GRM7: variants seen among roughly 807,000 people sequenced by gnomAD.
GRM7 encodes glutamate metabotropic receptor 7.
Under a neutral mutation model 84.5 loss-of-function variants are expected in GRM7, and 35 were observed. That is an observed-to-expected ratio of 0.41 (90% CI 0.32 to 0.55). GRM7 has a LOEUF of 0.55. Ranked by LOEUF, GRM7 falls within the 20% of genes least tolerant of loss-of-function variation. The pLI is 0.19. For missense variants in GRM7, 1,003 were observed against 1,194.6 expected (o/e 0.84, Z 2.36); for synonymous variants, 487 against 455.1 (o/e 1.07, Z -0.89).
chr3:6,986,362 G>A (rs1007526221), intron 1 of GRM7, among the ~76,000 whole-genome samples: 1 of 152,034 alleles, frequency 6.6e-6, no homozygotes, highest in African/African-American at 2.4e-5. Context: ...TATGTGCAGT[G>A]TTTTTGGTAT....
At chr3:7,036,435 A>G (rs373557775) in intron 1 of GRM7, among the ~76,000 whole-genome samples, 26 of 152,128 alleles carry the variant, frequency 1.7e-4, no homozygotes, top group African/African-American at 5.1e-4. Context: ...AAATGGAGAA[A>G]GATATGGAGG....
chr3:7,677,830 A>C (rs989023300), intron 8 of GRM7, among the ~76,000 whole-genome samples: 1 of 152,218 alleles, frequency 6.6e-6, no homozygotes, highest in Admixed American at 6.5e-5. Context: ...CACTTTTCAC[A>C]ATAGCAAAGA....
chr3:7,646,087 A>C (rs1220424654), intron 8 of GRM7, among the ~76,000 whole-genome samples: 1 of 152,180 alleles, frequency 6.6e-6, no homozygotes, highest in African/African-American at 2.4e-5. Flanking sequence ...TGCAAAAGAG[A>C]AGTCTTGTGT....
chr3:7,347,546 G>GA (rs1553564430), intron 4 of GRM7, among the ~76,000 whole-genome samples: 1 of 152,134 alleles, frequency 6.6e-6, no homozygotes, highest in Non-Finnish European at 1.5e-5. Context: ...CGGGGTTTGA[G>GA]TTTTTTCAAA....
chr3:7,440,623 C>G (rs760956922), intron 5 of GRM7, among the ~76,000 whole-genome samples: 1 of 152,038 alleles, frequency 6.6e-6, no homozygotes. Context: ...ACGTAGTATC[C>G]GACAGGTAGT....
chr3:7,456,811 C>T (rs1698035855), intron 6 of GRM7, among the ~76,000 whole-genome samples: 1 of 151,982 alleles, frequency 6.6e-6, no homozygotes, highest in African/African-American at 2.4e-5. Flanking sequence ...CAAGACACTG[C>T]AGTATTCATG....
intron 7 of GRM7, among the ~76,000 whole-genome samples, chr3:7,483,938 G>A (rs961238632): frequency 3.3e-5 from 5 of 152,046 alleles, no homozygotes; most frequent in Non-Finnish European, 5.9e-5. Context: ...AAAAAAGTGT[G>A]CTTAATGTGT....
At chr3:7,072,930 C>A (rs1697939053) in intron 1 of GRM7, among the ~76,000 whole-genome samples, 1 of 152,110 alleles carries the variant, frequency 6.6e-6, no homozygotes, top group Non-Finnish European at 1.5e-5. Flanking sequence ...TGACATTGAG[C>A]ACTCCTCAAG....
chr3:7,694,577 A>G (rs959490675), intron 9 of GRM7: 1 of 159,706 alleles, frequency 6.3e-6, no homozygotes, highest in African/African-American at 2.4e-5. Flanking sequence ...TTTTGGAGCA[A>G]TGATGCCTTA....
intron 8 of GRM7, among the ~76,000 whole-genome samples, chr3:7,639,210 A>T (rs1425374347): frequency 6.6e-6 from 1 of 151,886 alleles, no homozygotes; most frequent in Non-Finnish European, 1.5e-5. Context: ...TTCTTTAGAA[A>T]CTCCAGCACC....
At chr3:7,699,427 C>A (rs933910359) in intron 9 of GRM7, among the ~76,000 whole-genome samples, 2 of 152,136 alleles carry the variant, frequency 1.3e-5, no homozygotes, top group African/African-American at 2.4e-5. Context: ...TAGAGTAGTT[C>A]TTATAATCAG....
chr3:7,064,608 T>C (rs1697582669), intron 1 of GRM7, among the ~76,000 whole-genome samples: 1 of 150,658 alleles, frequency 6.6e-6, no homozygotes, highest in South Asian at 2.1e-4. Flanking sequence ...GATGGGCATT[T>C]GCGTTGGTTC....
At chr3:6,880,527 T>C (rs1695470001) in intron 1 of GRM7, among the ~76,000 whole-genome samples, 1 of 152,212 alleles carries the variant, frequency 6.6e-6, no homozygotes, top group African/African-American at 2.4e-5. Context: ...ATATGAATCT[T>C]TTGGAAGAAA....
intron 4 of GRM7, among the ~76,000 whole-genome samples, chr3:7,381,950 T>C (rs1343833094): frequency 6.6e-6 from 1 of 152,170 alleles, no homozygotes; most frequent in Non-Finnish European, 1.5e-5. Context: ...TGCATTTATT[T>C]CTAGGATGAT....
chr3:7,348,853 C>G (rs1017331963), intron 4 of GRM7, among the ~76,000 whole-genome samples: 2 of 152,110 alleles, frequency 1.3e-5, no homozygotes, highest in African/African-American at 4.8e-5. Context: ...CTGTGGCCTC[C>G]TAGTTCCCTA....
intron 7 of GRM7, among the ~76,000 whole-genome samples, chr3:7,564,550 A>G (rs757323086): frequency 6.6e-6 from 1 of 152,156 alleles, no homozygotes; most frequent in African/African-American, 2.4e-5. Flanking sequence ...AATACTGGCA[A>G]TGTTCAGCTG....
At position 7,666,529 on chromosome 3, in the gene GRM7, C is replaced by T. The variant is rs565372466; in HGVS notation, c.2452-13520C>T. Among the ~76,000 whole-genome samples, 9 of 152,196 alleles carry T rather than the reference C, an allele frequency of 5.9e-5. No individual in the cohort carries two copies. The South Asian group carries it at 6.2e-4, about 11-fold the overall frequency. On this transcript the variant is annotated intron_variant, in intron 8 of 9. Transcript: ENST00000357716. Reference sequence around the variant, plus strand: ...GGAGGGAGGCAAAAAATGGATGTGGCGAAACCAGTTGAGATGCTACCATGG... The same window carrying T: ...GGAGGGAGGCAAAAAATGGATGTGGTGAAACCAGTTGAGATGCTACCATGG...
chr3:7,582,875 G>A (rs377249843), intron 8 of GRM7, among the ~76,000 whole-genome samples: 12 of 152,212 alleles, frequency 7.9e-5, no homozygotes, highest in African/African-American at 2.6e-4. Flanking sequence ...AACAGGTCTG[G>A]AATGCGGCAT....
intron 8 of GRM7, among the ~76,000 whole-genome samples, chr3:7,657,367 C>A (rs1012443778): frequency 2.0e-5 from 3 of 152,166 alleles, no homozygotes; most frequent in Non-Finnish European, 2.9e-5. Context: ...CAGATACAAA[C>A]CCTGATATGA....
Sources: allele counts gnomAD v4.1 joint callset (sites outside exome capture counted in the v4.1 genomes callset), GRCh38; gene constraint gnomAD v4.1.1; transcripts MANE v1.5; gene names NCBI Gene and HGNC (gene_info 2026-07-23, HGNC 2026-07-21).